The following FBXO25 variants were observed in gnomAD, a reference collection of about 807,000 sequenced individuals.
FBXO25 encodes F-box protein 25, also known as F-box only protein 25.
A neutral mutation model predicts 51.9 loss-of-function variants in FBXO25; 45 were observed. That is an observed-to-expected ratio of 0.87 (90% CI 0.68 to 1.11). FBXO25 has a LOEUF of 1.11. FBXO25 is among the 50% of genes most tolerant of loss of function. The pLI, the probability that FBXO25 is intolerant of heterozygous loss-of-function variation, is 0.00. For missense variants in FBXO25, 507 were observed against 428.5 expected (o/e 1.18, Z -1.62); for synonymous variants, 199 against 151.0 (o/e 1.32, Z -2.33).
Position 474,435 on chromosome 8 carries a change from A to G in FBXO25, c.*5631A>G. 1 of 298,946 alleles carries G rather than the reference A, an allele frequency of 3.3e-6. No homozygotes were observed. The highest frequency in any genetic ancestry group is 3.0e-5 in the South Asian group (1 of 33,272). The allele number at this position is 298,946 out of a possible 1,614,324, so 18.5% of individuals were successfully genotyped here. On this transcript the variant is annotated 3_prime_UTR_variant, in exon 10 of 10. Transcript: ENST00000350302. ...AATATCTGAGTCTCTGCTTTCAATC[A>G]TATGGCAATCCTATGTTTAATTTCT...
At position 469,596 on chromosome 8, in the gene FBXO25, C is replaced by T. The variant is rs1336207898; in HGVS notation, c.*792C>T. 1 of 152,150 alleles carries T rather than the reference C, an allele frequency of 6.6e-6. No individual in the cohort carries two copies. The highest frequency in any genetic ancestry group is 2.4e-5 in the African/African-American group (1 of 41,424). 9.4% of individuals were successfully genotyped at this position (152,150 alleles called of 1,614,324 possible). A position where few individuals can be genotyped will look rare whatever the true frequency, so the allele number is the denominator to read the frequency against. The stretch of plus-strand genomic sequence containing the variant: ...GATTTAAACTTCATCAGTTTTGCAT[C>T]CTACTGAGAAATGTTAGTGATTTTG... On this transcript the variant is annotated 3_prime_UTR_variant, in exon 10 of 10. Transcript: ENST00000350302.
chr8:450,970 A>C, intron 6 of FBXO25: 1 of 235,810 alleles, frequency 4.2e-6, no homozygotes, highest in Non-Finnish European at 8.1e-6. Flanking sequence ...TGTCTCTACG[A>C]GTTTGACTAC....
chr8:452,786 C>T (rs937453507), intron 7 of FBXO25, among the ~76,000 whole-genome samples: 2 of 152,180 alleles, frequency 1.3e-5, no homozygotes, highest in Admixed American at 6.5e-5. Context: ...GTGGAGACAA[C>T]AGCGAAGCTC....
chr8:411,800 C>CT (rs1717146393), intron 1 of FBXO25, among the ~76,000 whole-genome samples: 1 of 152,046 alleles, frequency 6.6e-6, no homozygotes, highest in South Asian at 2.1e-4. Flanking sequence ...GTCAGGGAGC[C>CT]TTTCTGGGAT....
Position 430,750 on chromosome 8 carries a change from A to C in FBXO25, c.135-591A>C, listed in dbSNP as rs577463534. Among the ~76,000 whole-genome samples the C allele has an allele frequency of 5.3e-5, 8 of 152,308 alleles. No individual in the cohort carries two copies. The South Asian group carries it at 1.7e-3, about 32-fold the overall frequency. On this transcript the variant is annotated intron_variant, in intron 2 of 9. Transcript: ENST00000350302. The stretch of plus-strand genomic sequence containing the variant: ...CCCATTGTTTAGTTATTGCCTTATG[A>C]TTTGATTTTCTTGTTTCACGAAGAA...
chr8:441,997 A>T (rs1236303821), intron 5 of FBXO25, among the ~76,000 whole-genome samples: 3 of 152,224 alleles, frequency 2.0e-5, no homozygotes, highest in Non-Finnish European at 4.4e-5. Context: ...CAGCAATCCC[A>T]CATGACATTA....
At chr8:408,691 C>G (rs1469074297) in intron 1 of FBXO25, among the ~76,000 whole-genome samples, 1 of 152,088 alleles carries the variant, frequency 6.6e-6, no homozygotes, top group African/African-American at 2.4e-5. Flanking sequence ...TGTTCTGAGT[C>G]TCTCATGCCA....
At chr8:441,840 A>G (rs1798443810) in intron 5 of FBXO25, among the ~76,000 whole-genome samples, 1 of 152,246 alleles carries the variant, frequency 6.6e-6, no homozygotes. Flanking sequence ...GATGGCTATC[A>G]TTAAAAAGTC....
At chr8:436,572 C>G (rs538695578) in intron 5 of FBXO25, among the ~76,000 whole-genome samples, 66 of 152,104 alleles carry the variant, frequency 4.3e-4, no homozygotes, top group Non-Finnish European at 4.4e-5. Flanking sequence ...TCACTGAAGC[C>G]CAGCCACCAC....
intron 7 of FBXO25, 72 bp downstream of exon 7, chr8:451,525 C>T: frequency 7.4e-7 from 1 of 1,346,038 alleles, no homozygotes; most frequent in Non-Finnish European, 1.0e-6. Context: ...TCTAAGCATA[C>T]ATGAAAGACT....
In FBXO25 at chr8:477,185, G is replaced by C. The variant is rs1800671267; in HGVS notation, c.*8381G>C. 6.6e-6 allele frequency: 1 copy of C among 152,148 alleles called. No individual in the cohort carries two copies. Among genetic ancestry groups the C allele is most frequent in the African/African-American group, 2.4e-5 (1 of 41,434 alleles). The allele number at this position is 152,148 out of a possible 1,614,324, so 9.4% of individuals were successfully genotyped here. ...TCAGTCTTTTGAAATTTGTTGACTTGTTTAGTCATCTAACATACTGTCTAT... is the reference window on the plus strand; with the variant it reads ...TCAGTCTTTTGAAATTTGTTGACTTCTTTAGTCATCTAACATACTGTCTAT... On this transcript the variant is annotated 3_prime_UTR_variant, in exon 10 of 10. Coordinates refer to ENST00000350302, the MANE Select transcript of FBXO25 (RefSeq NM_183420.2).
At chr8:412,893 A>G (rs1796568382) in intron 1 of FBXO25, among the ~76,000 whole-genome samples, 180 bp from the exon 2 acceptor site, 1 of 152,198 alleles carries the variant, frequency 6.6e-6, no homozygotes. Context: ...ACCCCATTTG[A>G]TCACTTTAGT....
chr8:408,820 G>A (rs902348170), intron 1 of FBXO25, among the ~76,000 whole-genome samples: 2 of 152,128 alleles, frequency 1.3e-5, no homozygotes, highest in African/African-American at 4.8e-5. Context: ...ATCATTGTAG[G>A]CTGTCTGAAA....
rs181352306 is a variant in FBXO25, at chr8:429,738, A to G, written c.135-1603A>G. On this transcript the variant is annotated intron_variant, in intron 2 of 9. Coordinates refer to ENST00000350302, the MANE Select transcript of FBXO25 (RefSeq NM_183420.2). ...ATTTGTGAGCCCAGGCTTGGTCCTC[A>G]AGTCTGACATAGACTCCCCAAGGCC... 2.4e-3 allele frequency among the ~76,000 whole-genome samples: 362 copies of G among 152,326 alleles called. 3 individuals carry two copies. Among genetic ancestry groups the G allele is most frequent in the African/African-American group, 8.3e-3 (343 of 41,572 alleles).
chr8:443,578 G>T lies in FBXO25; in HGVS notation c.382-6412G>T, dbSNP rs186607905. Reference sequence around the variant, plus strand: ...CCCAAAAATAGAATGACTTCTCACAGACCACTGCTTGAGCAACTTGTGAGC... The same window carrying T: ...CCCAAAAATAGAATGACTTCTCACATACCACTGCTTGAGCAACTTGTGAGC... On this transcript the variant is annotated intron_variant, in intron 5 of 9. Transcript: ENST00000350302. Among the ~76,000 whole-genome samples, 5 of 151,042 alleles carry T rather than the reference G, an allele frequency of 3.3e-5. No homozygotes were observed. In the East Asian group the frequency reaches 9.7e-4, roughly 29 times the overall value.
intron 2 of FBXO25, among the ~76,000 whole-genome samples, chr8:430,007 C>T (rs903597728): frequency 1.2e-4 from 18 of 152,236 alleles, no homozygotes; most frequent in Admixed American, 1.3e-4. Flanking sequence ...TTTAGGTTCA[C>T]CTTGCTTTTC....
At chr8:430,541 T>A (rs1217439568) in intron 2 of FBXO25, among the ~76,000 whole-genome samples, 1 of 152,276 alleles carries the variant, frequency 6.6e-6, no homozygotes, top group Middle Eastern at 3.4e-3. Flanking sequence ...GCAATTTTAG[T>A]TCCTTGGATT....
At chr8:437,578 T>G (rs904027384) in intron 5 of FBXO25, among the ~76,000 whole-genome samples, 1 of 152,218 alleles carries the variant, frequency 6.6e-6, no homozygotes, top group Non-Finnish European at 1.5e-5. Flanking sequence ...CATGCTTACC[T>G]TCTGCTAAAA....
intron 5 of FBXO25, among the ~76,000 whole-genome samples, chr8:449,595 G>T (rs566707954): frequency 1.1e-4 from 17 of 152,336 alleles, no homozygotes; most frequent in African/African-American, 4.1e-4. Context: ...GCGAGTATGG[G>T]CTTAGGTTGT....
Sources: allele counts gnomAD v4.1 joint callset (sites outside exome capture counted in the v4.1 genomes callset), GRCh38; gene constraint gnomAD v4.1.1; transcripts MANE v1.5; gene names NCBI Gene and HGNC (gene_info 2026-07-23, HGNC 2026-07-21).